Variants in MIR2052HG observed in about 807,000 individuals in gnomAD.
MIR2052HG encodes MIR2052 host gene.
At chr8:74,704,758 T>G (rs1006767493) in intron 4 of MIR2052HG, among the ~76,000 whole-genome samples, 3 of 152,092 alleles carry the variant, frequency 2.0e-5, no homozygotes, top group Non-Finnish European at 4.4e-5. Flanking sequence ...TGGTTTATCT[T>G]TTTTGACTTG....
chr8:74,612,697 T>A (rs1457386374), intron 1 of MIR2052HG: 1 of 336,218 alleles, frequency 3.0e-6, no homozygotes, highest in Admixed American at 4.0e-5. Context: ...ATAACTAAAC[T>A]ACTAGTTTTA....
At chr8:74,705,475 T>C (rs958048077) in intron 4 of MIR2052HG, among the ~76,000 whole-genome samples, 2 of 152,058 alleles carry the variant, frequency 1.3e-5, no homozygotes, top group Non-Finnish European at 2.9e-5. Context: ...ATACCACTAC[T>C]CTGGCTGAAT....
At chr8:74,685,841 A>G (rs984645482) in intron 2 of MIR2052HG, among the ~76,000 whole-genome samples, 6 of 152,100 alleles carry the variant, frequency 3.9e-5, no homozygotes, top group African/African-American at 1.4e-4. Flanking sequence ...TACATTATCC[A>G]GCTCCCATAC....
At chr8:74,669,040 A>C (rs749168846) in intron 2 of MIR2052HG, among the ~76,000 whole-genome samples, 2 of 152,166 alleles carry the variant, frequency 1.3e-5, no homozygotes, top group Non-Finnish European at 2.9e-5. Flanking sequence ...ACAATCTTAC[A>C]TCCATGTCTC....
intron 2 of MIR2052HG, among the ~76,000 whole-genome samples, chr8:74,626,197 T>C (rs1318266516): frequency 6.6e-6 from 1 of 152,198 alleles, no homozygotes; most frequent in Non-Finnish European, 1.5e-5. Flanking sequence ...CCTCCCTTTT[T>C]GCTGCCAGCA....
intron 4 of MIR2052HG, among the ~76,000 whole-genome samples, chr8:74,736,348 A>G (rs1809744677): frequency 6.6e-6 from 1 of 152,210 alleles, no homozygotes; most frequent in East Asian, 1.9e-4. Flanking sequence ...ATACTATTGT[A>G]ATGTGATATT....
chr8:74,600,149 C>A (rs183856089), intron 1 of MIR2052HG, among the ~76,000 whole-genome samples: 1 of 152,298 alleles, frequency 6.6e-6, no homozygotes, highest in African/African-American at 2.4e-5. Context: ...GTGAGATGAA[C>A]CTGGTACCTC....
chr8:74,681,127 T>G (rs1240846896), intron 2 of MIR2052HG, among the ~76,000 whole-genome samples: 1 of 148,966 alleles, frequency 6.7e-6, no homozygotes, highest in Non-Finnish European at 1.5e-5. Context: ...GACGAGTTAG[T>G]GGGCGCAGCG....
chr8:74,681,893 C>G (rs752477358), intron 2 of MIR2052HG, among the ~76,000 whole-genome samples: 7 of 152,116 alleles, frequency 4.6e-5, no homozygotes, highest in Non-Finnish European at 7.3e-5. Context: ...CCCATAAGTA[C>G]ATGATAATTT....
chr8:74,689,821 A>C (rs1563532294), intron 2 of MIR2052HG, among the ~76,000 whole-genome samples: 1 of 152,232 alleles, frequency 6.6e-6, no homozygotes, highest in Non-Finnish European at 1.5e-5. Flanking sequence ...TGTTTTATGC[A>C]TCTCTCATAT....
intron 2 of MIR2052HG, among the ~76,000 whole-genome samples, chr8:74,627,881 G>C (rs1377723928): frequency 6.6e-6 from 1 of 152,162 alleles, no homozygotes; most frequent in Non-Finnish European, 1.5e-5. Flanking sequence ...TACAATTAGG[G>C]ATGTGGAGGA....
At chr8:74,726,108 G>T (rs1809632897) in intron 4 of MIR2052HG, among the ~76,000 whole-genome samples, 1 of 152,112 alleles carries the variant, frequency 6.6e-6, no homozygotes, top group Admixed American at 6.6e-5. Flanking sequence ...CAGGAGAAAT[G>T]CTTGAATCCG....
chr8:74,675,312 T>G (rs1809039192), intron 2 of MIR2052HG, among the ~76,000 whole-genome samples: 1 of 152,206 alleles, frequency 6.6e-6, no homozygotes, highest in South Asian at 2.1e-4. Context: ...GTGCTGAACA[T>G]GTACATACTT....
At chr8:74,707,938 G>T (rs1368575131) in intron 4 of MIR2052HG, among the ~76,000 whole-genome samples, 1 of 152,048 alleles carries the variant, frequency 6.6e-6, no homozygotes, top group East Asian at 1.9e-4. Context: ...ATGTCTTTAT[G>T]ATGCAAACAG....
chr8:74,604,583 C>CTTT (rs35641908), intron 1 of MIR2052HG, among the ~76,000 whole-genome samples: 1,137 of 50,034 alleles, frequency 0.023, 282 homozygotes, highest in African/African-American at 0.095. Context: ...TGTTTCTTTA[C>CTTT]TTTTTTTTTT....
chr8:74,683,778 T>G (rs373588080), intron 2 of MIR2052HG, among the ~76,000 whole-genome samples: 1 of 152,100 alleles, frequency 6.6e-6, no homozygotes, highest in Non-Finnish European at 1.5e-5. Flanking sequence ...AGGACTCCGA[T>G]TGTGGCTGGT....
intron 4 of MIR2052HG, among the ~76,000 whole-genome samples, chr8:74,733,828 G>T (rs1809720159): frequency 6.7e-6 from 1 of 149,916 alleles, no homozygotes; most frequent in Non-Finnish European, 1.5e-5. Context: ...TTCTCTGATG[G>T]CCAGTGATGG....
chr8:74,644,014 G>A (rs576591266), intron 2 of MIR2052HG, among the ~76,000 whole-genome samples: 269 of 152,278 alleles, frequency 1.8e-3, no homozygotes, highest in African/African-American at 6.2e-3. Flanking sequence ...CCCCTGAGAT[G>A]TAATTCTCCT....
At chr8:74,675,081 G>A (rs767605582) in intron 2 of MIR2052HG, among the ~76,000 whole-genome samples, 8 of 152,040 alleles carry the variant, frequency 5.3e-5, no homozygotes, top group South Asian at 2.1e-4. Context: ...TGAAAACCTC[G>A]TATGTACCAG....
Sources: allele counts gnomAD v4.1 joint callset (sites outside exome capture counted in the v4.1 genomes callset), GRCh38; gene constraint gnomAD v4.1.1; transcripts MANE v1.5; gene names NCBI Gene and HGNC (gene_info 2026-07-23, HGNC 2026-07-21).